SMAD9: variants seen among roughly 807,000 people sequenced by gnomAD.
The protein encoded by SMAD9 is SMAD family member 9.
Under a neutral mutation model 46.1 loss-of-function variants are expected in SMAD9, and 36 were observed. The ratio of observed to expected loss-of-function variants is 0.78; its 90% CI spans 0.60 to 1.03. The LOEUF (loss-of-function observed/expected upper bound fraction) is 1.03, where lower values mean the gene tolerates loss of function less well. SMAD9 is among the 50% of genes least tolerant of loss of function. The probability of loss-of-function intolerance (pLI) is 0.00; values close to 1 mark genes in which losing one functional copy is unlikely to be tolerated. For missense variants in SMAD9, 572 were observed against 599.8 expected (o/e 0.95, Z 0.48); for synonymous variants, 245 against 237.1 (o/e 1.03, Z -0.31).
At chr13:36,903,497 T>C (rs2058594901) in intron 1 of SMAD9, among the ~76,000 whole-genome samples, 1 of 152,218 alleles carries the variant, frequency 6.6e-6, no homozygotes, top group African/African-American at 2.4e-5. Flanking sequence ...AGTCAGTCTT[T>C]AGTATTTCAA....
rs539065216 is a variant in SMAD9, at chr13:36,897,091, T to G, written c.-186-17216A>C. Among the ~76,000 whole-genome samples, 77 of 152,312 alleles carry G rather than the reference T, an allele frequency of 5.1e-4. 1 individual carries two copies. Among genetic ancestry groups the G allele is most frequent in the African/African-American group, 1.7e-3 (70 of 41,578 alleles). The stretch of plus-strand genomic sequence containing the variant: ...AAACAAAATCTGGAGGCATTTTCCC[T>G]CTAGTCATCAGTAAATCTGCTACAG... On this transcript the variant is annotated intron_variant, in intron 1 of 6. Coordinates refer to ENST00000379826, the MANE Select transcript of SMAD9 (RefSeq NM_001127217.3).
intron 5 of SMAD9, 33 bp downstream of exon 5, chr13:36,865,504 A>G (rs2058223545): frequency 1.9e-6 from 3 of 1,558,342 alleles, no homozygotes; most frequent in Non-Finnish European, 2.7e-6. Flanking sequence ...CATTTCGGCT[A>G]GATGACTAAA....
chr13:36,887,699 TG>T (rs1375268745), intron 1 of SMAD9, among the ~76,000 whole-genome samples: 1 of 152,072 alleles, frequency 6.6e-6, no homozygotes, highest in Non-Finnish European at 1.5e-5. Context: ...ATGAGGCTTC[TG>T]GAGAGAATCT....
chr13:36,917,078 G>A (rs941465288), intron 1 of SMAD9, among the ~76,000 whole-genome samples: 1 of 152,110 alleles, frequency 6.6e-6, no homozygotes, highest in African/African-American at 2.4e-5. Flanking sequence ...TCAGGCAAGT[G>A]CGGCCGAGGT....
chr13:36,907,248 G>A (rs975000488), intron 1 of SMAD9, among the ~76,000 whole-genome samples: 3 of 152,168 alleles, frequency 2.0e-5, no homozygotes, highest in Admixed American at 6.5e-5. Context: ...AGGGGAAAAT[G>A]GGGACTATTG....
chr13:36,865,715 C>G lies in SMAD9; in HGVS notation c.825G>C (p.Ser275=), dbSNP rs374907507. The change falls in exon 5 of 7, where the codon TCG becomes TCC. Residue 275 remains serine, a synonymous_variant. Transcript: ENST00000379826. ...VCYEEPQHWC[S]VAYYELNNRV... ...GGTTGTTCAGTTCATAGTAGGCGAC[C>G]GAGCACCAGTGCTGGGGCTCCTCGT... 1.2e-6 allele frequency: 2 copies of G among 1,613,942 alleles called. No homozygotes were observed. Among genetic ancestry groups the G allele is most frequent in the East Asian group, 4.5e-5 (2 of 44,884 alleles).
chr13:36,865,156 A>C (rs1048165683), intron 5 of SMAD9, among the ~76,000 whole-genome samples: 5 of 152,204 alleles, frequency 3.3e-5, no homozygotes, highest in African/African-American at 7.2e-5. Context: ...TGATACAAAT[A>C]ATCATCTAGT....
At chr13:36,908,272 C>G (rs1385434040) in intron 1 of SMAD9, among the ~76,000 whole-genome samples, 1 of 152,176 alleles carries the variant, frequency 6.6e-6, no homozygotes, top group African/African-American at 2.4e-5. Flanking sequence ...TATTATTCAG[C>G]TTGATTTTCT....
intron 2 of SMAD9, among the ~76,000 whole-genome samples, chr13:36,876,610 G>A (rs150507044): frequency 0.017 from 2,577 of 152,068 alleles, 66 homozygotes; most frequent in African/African-American, 0.058. Context: ...AAAAGTGTTC[G>A]TTTGAAGGAC....
chr13:36,870,002 C>T (rs145051257), intron 3 of SMAD9, among the ~76,000 whole-genome samples: 177 of 152,286 alleles, frequency 1.2e-3, no homozygotes, highest in Non-Finnish European at 2.2e-3. Context: ...ACCAGTAAAT[C>T]GCAAAGGTTC....
chr13:36,868,299 T>A (rs1355028379), intron 3 of SMAD9, among the ~76,000 whole-genome samples: 1 of 152,212 alleles, frequency 6.6e-6, no homozygotes, highest in Admixed American at 6.5e-5. Flanking sequence ...GCAATTCTAA[T>A]GCAGGGTTCG....
intron 1 of SMAD9, among the ~76,000 whole-genome samples, chr13:36,911,824 T>A (rs1038953418): frequency 5.3e-5 from 8 of 152,212 alleles, no homozygotes; most frequent in Middle Eastern, 3.2e-3. Flanking sequence ...TTCTCCTGCC[T>A]CAGCCTCCCC....
At chr13:36,896,413 G>T (rs2058529288) in intron 1 of SMAD9, among the ~76,000 whole-genome samples, 1 of 152,150 alleles carries the variant, frequency 6.6e-6, no homozygotes, top group Non-Finnish European at 1.5e-5. Context: ...GCTTACAGGT[G>T]CGAGACACCA....
At chr13:36,905,452 C>T (rs1303476620) in intron 1 of SMAD9, among the ~76,000 whole-genome samples, 1 of 151,886 alleles carries the variant, frequency 6.6e-6, no homozygotes, top group Non-Finnish European at 1.5e-5. Context: ...GAACTGGAGC[C>T]GTTTTAAAAA....
chr13:36,879,008 G>A (rs1436210160), intron 2 of SMAD9, among the ~76,000 whole-genome samples: 4 of 152,088 alleles, frequency 2.6e-5, no homozygotes, highest in Non-Finnish European at 5.9e-5. Context: ...GCTATAACAG[G>A]GTTTTACTGC....
intron 2 of SMAD9, among the ~76,000 whole-genome samples, chr13:36,876,644 G>C (rs2058348040): frequency 6.6e-6 from 1 of 152,084 alleles, no homozygotes; most frequent in Non-Finnish European, 1.5e-5. Context: ...AATAAAAACT[G>C]ATCCCTCACC....
chr13:36,845,766 T>C lies in SMAD9; in HGVS notation c.*2910A>G, dbSNP rs115827609. ...TGATTAAAATATGATTGTGTTACAA[T>C]GACTAAAGGGTTAACTTCTCATTAA... On this transcript the variant is annotated 3_prime_UTR_variant, in exon 7 of 7. Transcript: ENST00000379826. The C allele has an allele frequency of 8.6e-4, 131 of 152,340 alleles. No individual in the cohort carries two copies. Among genetic ancestry groups the C allele is most frequent in the African/African-American group, 2.7e-3 (111 of 41,590 alleles). The allele number at this position is 152,340 out of a possible 1,614,324, so 9.4% of individuals were successfully genotyped here.
intron 2 of SMAD9, 103 bp from the exon 3 acceptor site, chr13:36,873,018 G>T: frequency 7.3e-7 from 1 of 1,364,140 alleles, no homozygotes; most frequent in Non-Finnish European, 1.0e-6. Context: ...TTATGATAGA[G>T]CTGTTTTTCC....
chr13:36,897,790 A>G (rs994180638), intron 1 of SMAD9, among the ~76,000 whole-genome samples: 11 of 150,746 alleles, frequency 7.3e-5, no homozygotes, highest in African/African-American at 2.7e-4. Flanking sequence ...ACTTACAAGG[A>G]GCTATTTACC....
Sources: gnomAD v4.1 joint callset for allele counts (sites outside exome capture counted in the v4.1 genomes callset) on GRCh38, gnomAD v4.1.1 for gene constraint, MANE v1.5 for transcripts, NCBI Gene and HGNC (gene_info 2026-07-23, HGNC 2026-07-21) for gene names.